DIAPH3: variants seen among roughly 807,000 people sequenced by gnomAD.
DIAPH3 encodes protein diaphanous homolog 3.
Under a neutral mutation model 144.3 loss-of-function variants are expected in DIAPH3, and 117 were observed. That is an observed-to-expected ratio of 0.81 (90% CI 0.70 to 0.95). DIAPH3 has a LOEUF of 0.95. Among genes scored for constraint, DIAPH3 ranks in the 40% least tolerant of loss-of-function variants. The pLI, the probability that DIAPH3 is intolerant of heterozygous loss-of-function variation, is 0.00. For synonymous variants in DIAPH3, 519 were observed against 488.9 expected, an observed-to-expected ratio of 1.06 and a Z score of -0.81; for missense variants, 1,421 against 1,412.7, an observed-to-expected ratio of 1.01 and a Z score of -0.09.
In DIAPH3 at chr13:60,163,683, G is replaced by A; in HGVS notation, c.84C>T (p.Arg28=). The stretch of plus-strand genomic sequence containing the variant: ...GCGGCATCTTGCTTTCCCGGCAGCC[G>A]CGGAGAGAGGCTGAGGAAGGGTAGG... ...GTPYPSSASL[R]GCRESKMPRR... The change falls in exon 1 of 28, where the codon CGC becomes CGT. Residue 28 remains arginine (R), a synonymous_variant. Coordinates refer to ENST00000400324, the MANE Select transcript of DIAPH3 (RefSeq NM_001042517.2). The A allele has an allele frequency of 6.2e-7, 1 of 1,607,602 alleles. No individual in the cohort carries two copies. Among genetic ancestry groups the A allele is most frequent in the Non-Finnish European group, 8.5e-7 (1 of 1,175,534 alleles).
chr13:59,941,873 C>T (rs2048553051), intron 17 of DIAPH3, among the ~76,000 whole-genome samples: 1 of 151,968 alleles, frequency 6.6e-6, no homozygotes, highest in Non-Finnish European at 1.5e-5. Context: ...TCTATTTCTT[C>T]CCAATATGTA....
intron 4 of DIAPH3, among the ~76,000 whole-genome samples, chr13:60,052,591 C>A (rs2056391533): frequency 6.6e-6 from 1 of 152,160 alleles, no homozygotes; most frequent in Non-Finnish European, 1.5e-5. Flanking sequence ...ATACACCCTA[C>A]AGGGCAGTGT....
Position 59,730,860 on chromosome 13 carries a change from C to T in DIAPH3, c.3319+43329G>A, listed in dbSNP as rs73544393. Among the ~76,000 whole-genome samples, 1,333 of 152,246 alleles carry T rather than the reference C, an allele frequency of 8.8e-3. 23 individuals carry two copies. The highest frequency in any genetic ancestry group is 0.03 in the African/African-American group (1,257 of 41,552). ...GAAATATTTAACACAGTTCCCAGCA[C>T]CTATCAGTGCTCAATAAAAATGAGA... On this transcript the variant is annotated intron_variant, in intron 27 of 27. Coordinates refer to ENST00000400324, the MANE Select transcript of DIAPH3 (RefSeq NM_001042517.2).
chr13:59,897,528 T>C (rs1366670809), intron 20 of DIAPH3, among the ~76,000 whole-genome samples: 1 of 151,480 alleles, frequency 6.6e-6, no homozygotes, highest in Non-Finnish European at 1.5e-5. Context: ...GGGGGGCGGA[T>C]CACAAGGTCA....
chr13:59,926,173 A>C (rs2047741461), intron 17 of DIAPH3, among the ~76,000 whole-genome samples: 1 of 151,884 alleles, frequency 6.6e-6, no homozygotes, highest in African/African-American at 2.4e-5. Flanking sequence ...TTTTTCATAG[A>C]GACAGAGCCC....
At chr13:60,089,068 C>T (rs2057845096) in intron 4 of DIAPH3, among the ~76,000 whole-genome samples, 1 of 152,206 alleles carries the variant, frequency 6.6e-6, no homozygotes, top group African/African-American at 2.4e-5. Context: ...TGACCCCCAT[C>T]ATGAGATTTT....
intron 27 of DIAPH3, among the ~76,000 whole-genome samples, chr13:59,688,367 C>G (rs1245754063): frequency 6.6e-6 from 1 of 151,816 alleles, no homozygotes; most frequent in African/African-American, 2.4e-5. Context: ...TAAAAGTGCA[C>G]CTGAATAATC....
chr13:59,976,881 T>C (rs569497290), intron 14 of DIAPH3, among the ~76,000 whole-genome samples: 49 of 151,942 alleles, frequency 3.2e-4, no homozygotes, highest in Non-Finnish European at 5.7e-4. Context: ...AAAAAACATA[T>C]TTTCAAAACC....
At chr13:59,929,648 C>T (rs1385503900) in intron 17 of DIAPH3, among the ~76,000 whole-genome samples, 5 of 147,816 alleles carry the variant, frequency 3.4e-5, no homozygotes, top group Admixed American at 1.3e-4. Flanking sequence ...CTGCAACCTC[C>T]GCCTCCCAGG....
intron 27 of DIAPH3, among the ~76,000 whole-genome samples, chr13:59,674,806 A>G (rs1167173932): frequency 6.6e-6 from 1 of 152,190 alleles, no homozygotes; most frequent in Admixed American, 6.5e-5. Flanking sequence ...TTTATCAGTC[A>G]TGCTATCTGT....
At chr13:60,131,996 G>A (rs2059154096) in intron 2 of DIAPH3, among the ~76,000 whole-genome samples, 1 of 152,120 alleles carries the variant, frequency 6.6e-6, no homozygotes, top group Non-Finnish European at 1.5e-5. Context: ...CATCTACCTT[G>A]CAAGGTGAGA....
intron 3 of DIAPH3, among the ~76,000 whole-genome samples, chr13:60,107,720 A>C (rs1156615385): frequency 6.6e-6 from 1 of 152,188 alleles, no homozygotes; most frequent in Non-Finnish European, 1.5e-5. Context: ...TCCCAGTAAA[A>C]GAATAGAACA....
intron 7 of DIAPH3, among the ~76,000 whole-genome samples, chr13:60,012,502 A>C (rs2053343492): frequency 6.6e-6 from 1 of 152,240 alleles, no homozygotes. Flanking sequence ...GGGAATTGTC[A>C]GGTTTATAAA....
At chr13:59,943,630 C>T (rs1381185144) in intron 17 of DIAPH3, among the ~76,000 whole-genome samples, 1 of 151,918 alleles carries the variant, frequency 6.6e-6, no homozygotes, top group South Asian at 2.1e-4. Context: ...TAAAGAATCT[C>T]GGTTGAAATT....
intron 27 of DIAPH3, among the ~76,000 whole-genome samples, chr13:59,710,337 T>TA (rs769926089): frequency 5.4e-4 from 81 of 151,294 alleles, no homozygotes; most frequent in Non-Finnish European, 9.0e-4. Flanking sequence ...GCAAAGATCT[T>TA]AAAAAAAAAC....
chr13:59,969,923 TAATC>T lies in DIAPH3; in HGVS notation c.2074+17_2074+20del, dbSNP rs1297465714. On this transcript the variant is annotated intron_variant, in intron 17 of 27. Transcript: ENST00000400324. ...AAAATTCTAAAATCAAATTAATAAA[TAATC>T]AAGATGTTAAACTTACCTTTTTGTT... The T allele has an allele frequency of 1.4e-6, 2 of 1,409,598 alleles. No homozygotes were observed. Among genetic ancestry groups the T allele is most frequent in the African/African-American group, 2.9e-5 (2 of 69,988 alleles). The allele number at this position is 1,409,598 out of a possible 1,614,324, so 87.3% of individuals were successfully genotyped here.
At chr13:60,123,298 C>G (rs1245781622) in intron 2 of DIAPH3, among the ~76,000 whole-genome samples, 1 of 152,160 alleles carries the variant, frequency 6.6e-6, no homozygotes, top group Non-Finnish European at 1.5e-5. Flanking sequence ...ACCCAGACGA[C>G]AGAGACCTTC....
Position 59,821,117 on chromosome 13 carries a change from T to C in DIAPH3, c.3028-10194A>G, listed in dbSNP as rs531089060. On this transcript the variant is annotated intron_variant, in intron 24 of 27. Transcript: ENST00000400324. ...GGGATCTCTTTAACACAGGTTTCAC[T>C]AAACTCAAAAATCTTTACTTTTTCC... 4.6e-5 allele frequency among the ~76,000 whole-genome samples: 7 copies of C among 152,134 alleles called. No homozygotes were observed. In the East Asian group the frequency reaches 1.4e-3, roughly 29 times the overall value.
At chr13:60,067,280 A>G (rs559597499) in intron 4 of DIAPH3, among the ~76,000 whole-genome samples, 2 of 151,900 alleles carry the variant, frequency 1.3e-5, no homozygotes, top group Admixed American at 6.6e-5. Flanking sequence ...GTGAGACCCT[A>G]TATCAAAAAA....
Sources: gnomAD v4.1 joint callset for allele counts (sites outside exome capture counted in the v4.1 genomes callset) on GRCh38, gnomAD v4.1.1 for gene constraint, MANE v1.5 for transcripts, NCBI Gene and HGNC (gene_info 2026-07-23, HGNC 2026-07-21) for gene names.